PARD3B: variants seen among roughly 807,000 people sequenced by gnomAD.
PARD3B encodes partitioning defective 3 homolog B.
A neutral mutation model predicts 130.2 loss-of-function variants in PARD3B; 103 were observed. The ratio of observed to expected loss-of-function variants is 0.79; its 90% confidence interval spans 0.67 to 0.93. PARD3B has a LOEUF of 0.93. Among genes scored for constraint, PARD3B ranks in the 40% least tolerant of loss-of-function variants. The probability of loss-of-function intolerance (pLI) is 0.00; values close to 1 mark genes in which losing one functional copy is unlikely to be tolerated. For synonymous variants in PARD3B, 583 were observed against 553.2 expected (o/e 1.05, Z -0.76); for missense variants, 1,609 against 1,499.2 (o/e 1.07, Z -1.21).
At chr2:205,487,287 T>A (rs1267138728) in intron 20 of PARD3B, among the ~76,000 whole-genome samples, 1 of 152,212 alleles carries the variant, frequency 6.6e-6, no homozygotes, top group East Asian at 1.9e-4. Flanking sequence ...TAAAACACTC[T>A]TTTCCTTTGT....
chr2:205,573,780 G>A (rs76910079), intron 22 of PARD3B, among the ~76,000 whole-genome samples: 3 of 152,108 alleles, frequency 2.0e-5, no homozygotes, highest in South Asian at 2.1e-4. Context: ...ATAAAACATC[G>A]ATCATTGATA....
intron 20 of PARD3B, among the ~76,000 whole-genome samples, chr2:205,469,456 A>G (rs568393745): frequency 5.9e-5 from 9 of 152,296 alleles, no homozygotes; most frequent in African/African-American, 2.2e-4. Context: ...GTTCTTCAGC[A>G]GGAGGAAGCA....
At chr2:204,649,200 C>T (rs1005013424) in intron 1 of PARD3B, among the ~76,000 whole-genome samples, 1 of 150,550 alleles carries the variant, frequency 6.6e-6, no homozygotes, top group African/African-American at 2.4e-5. Context: ...CTTGCCAACA[C>T]TTGTGTTGTC....
chr2:205,271,742 C>T (rs1362199277), intron 16 of PARD3B, among the ~76,000 whole-genome samples: 2 of 152,198 alleles, frequency 1.3e-5, no homozygotes, highest in African/African-American at 4.8e-5. Flanking sequence ...AACCACTATC[C>T]TCAACTTTCC....
intron 10 of PARD3B, among the ~76,000 whole-genome samples, chr2:205,132,829 G>A (rs2032130794): frequency 6.6e-6 from 1 of 152,158 alleles, no homozygotes; most frequent in Non-Finnish European, 1.5e-5. Flanking sequence ...AATTAACTGT[G>A]TGCAGCTGTT....
In PARD3B at chr2:204,610,015, G is replaced by C. The variant is rs900354407; in HGVS notation, c.120+63896G>C. Reference sequence around the variant, plus strand: ...ACATGTGACTCTATACCAGAGTCAGGTTGGAACTTGGTGTCTTATTGCCAC... The same window carrying C: ...ACATGTGACTCTATACCAGAGTCAGCTTGGAACTTGGTGTCTTATTGCCAC... On this transcript the variant is annotated intron_variant, in intron 1 of 22. Coordinates refer to ENST00000406610, the MANE Select transcript of PARD3B (RefSeq NM_001302769.2). This position sits in a 1 kb window ranked among gnomAD's most constrained non-coding sequence, Gnocchi z 4.1. Among the ~76,000 whole-genome samples, 2 of 152,114 alleles carry C rather than the reference G, an allele frequency of 1.3e-5. No homozygotes were observed. Among genetic ancestry groups the C allele is most frequent in the African/African-American group, 4.8e-5 (2 of 41,424 alleles).
intron 2 of PARD3B, among the ~76,000 whole-genome samples, chr2:204,714,577 G>C (rs2038628143): frequency 6.6e-6 from 1 of 152,066 alleles, no homozygotes; most frequent in Non-Finnish European, 1.5e-5. Context: ...TTTCCACAAA[G>C]AAAGAAGGAG....
At position 204,887,978 on chromosome 2, in the gene PARD3B, A is replaced by T. The variant is rs796297723; in HGVS notation, c.223-77174A>T. On this transcript the variant is annotated intron_variant, in intron 2 of 22. Coordinates refer to ENST00000406610, the MANE Select transcript of PARD3B (RefSeq NM_001302769.2). This position sits in a 1 kb window ranked among gnomAD's most constrained non-coding sequence, Gnocchi z 4.2. ...GTATGAGAACTGTTAAGACCCCAGC[A>T]TTCCAACTGGGAGGGATCATTGGTG... Among the ~76,000 whole-genome samples, 3 of 152,140 alleles carry T rather than the reference A, an allele frequency of 2.0e-5. No homozygotes were observed. Among genetic ancestry groups the T allele is most frequent in the African/African-American group, 7.2e-5 (3 of 41,424 alleles).
At chr2:205,205,477 A>G (rs1574383424) in intron 15 of PARD3B, among the ~76,000 whole-genome samples, 1 of 152,128 alleles carries the variant, frequency 6.6e-6, no homozygotes, top group South Asian at 2.1e-4. Context: ...AACTTCCAAT[A>G]CTATGTTAAA....
intron 2 of PARD3B, among the ~76,000 whole-genome samples, chr2:204,779,445 C>A (rs187943459): frequency 3.9e-5 from 6 of 152,102 alleles, no homozygotes; most frequent in Admixed American, 6.6e-5. Context: ...CTAGCCATCA[C>A]GTATGTGTCT....
intron 16 of PARD3B, among the ~76,000 whole-genome samples, chr2:205,283,250 A>G (rs1426610621): frequency 5.3e-5 from 8 of 152,174 alleles, no homozygotes; most frequent in Admixed American, 5.2e-4. Flanking sequence ...CTATGGCTAG[A>G]GACTTCTGTC....
At chr2:204,901,711 G>A (rs902328292) in intron 2 of PARD3B, among the ~76,000 whole-genome samples, 1 of 152,042 alleles carries the variant, frequency 6.6e-6, no homozygotes, top group African/African-American at 2.4e-5. Flanking sequence ...GGTCACACCT[G>A]AAGCCAGCAT....
rs573088992 is a variant in PARD3B at position 204,779,741 on chromosome 2, C to T, written c.222+93459C>T. ...AGTAAGTGGTAGAGTGGATGGTATTCGAGGCCAGGTCCCACTCCAACACCT... is the reference window on the plus strand; with the variant it reads ...AGTAAGTGGTAGAGTGGATGGTATTTGAGGCCAGGTCCCACTCCAACACCT... On this transcript the variant is annotated intron_variant, in intron 2 of 22. Transcript: ENST00000406610. Among the ~76,000 whole-genome samples the T allele has an allele frequency of 5.8e-4, 88 of 152,192 alleles. 1 individual carries two copies. Among genetic ancestry groups the T allele is most frequent in the Admixed American group, 8.5e-4 (13 of 15,276 alleles).
At chr2:205,178,631 T>C (rs2035619805) in intron 13 of PARD3B, among the ~76,000 whole-genome samples, 1 of 152,230 alleles carries the variant, frequency 6.6e-6, no homozygotes, top group South Asian at 2.1e-4. Flanking sequence ...AGATTTCATG[T>C]AACTTGATTG....
At chr2:205,286,848 C>T (rs2041414216) in intron 16 of PARD3B, among the ~76,000 whole-genome samples, 1 of 152,188 alleles carries the variant, frequency 6.6e-6, no homozygotes, top group Non-Finnish European at 1.5e-5. Context: ...CCCTGGTCAA[C>T]CATAGCAAGA....
chr2:204,994,603 G>A (rs1272276826), intron 3 of PARD3B, among the ~76,000 whole-genome samples: 1 of 151,286 alleles, frequency 6.6e-6, no homozygotes, highest in Non-Finnish European at 1.5e-5. Context: ...GGTCCGCTTG[G>A]TGCAGAGCTG....
At chr2:205,001,329 T>C (rs778185201) in intron 3 of PARD3B, among the ~76,000 whole-genome samples, 70 of 152,362 alleles carry the variant, frequency 4.6e-4, no homozygotes, top group Middle Eastern at 6.8e-3. Flanking sequence ...TTTCAATTGC[T>C]AGAACCCACT....
chr2:205,155,010 T>C (rs1475723809), intron 10 of PARD3B, among the ~76,000 whole-genome samples: 2 of 152,076 alleles, frequency 1.3e-5, no homozygotes, highest in Non-Finnish European at 2.9e-5. Context: ...AACCTGCACA[T>C]TGTGCACATG....
intron 2 of PARD3B, among the ~76,000 whole-genome samples, chr2:204,699,506 G>A (rs980037858): frequency 3.9e-5 from 6 of 152,072 alleles, no homozygotes; most frequent in African/African-American, 1.4e-4. Flanking sequence ...GAAGATTGGA[G>A]GTTAAGCGAG....
Sources: allele counts gnomAD v4.1 joint callset (sites outside exome capture counted in the v4.1 genomes callset), GRCh38; gene constraint gnomAD v4.1.1; non-coding constraint Gnocchi (gnomAD v3.1); transcripts MANE v1.5; gene names NCBI Gene and HGNC (gene_info 2026-07-23, HGNC 2026-07-21).